The following DCDC2C variants were observed in gnomAD, a reference collection of about 807,000 sequenced individuals.
DCDC2C encodes the protein doublecortin domain containing 2C, also known as doublecortin domain-containing protein 2C.
A neutral mutation model predicts 45.0 loss-of-function variants in DCDC2C; 44 were observed. The ratio of observed to expected loss-of-function variants is 0.98; its 90% confidence interval spans 0.77 to 1.26. The LOEUF (loss-of-function observed/expected upper bound fraction) is 1.26, where lower values mean the gene tolerates loss of function less well. Among genes scored for constraint, DCDC2C ranks in the 50% most tolerant of loss-of-function variants. The pLI, the probability that DCDC2C is intolerant of heterozygous loss-of-function variation, is 0.00. For missense variants in DCDC2C, 447 were observed against 468.9 expected (o/e 0.95, Z 0.43); for synonymous variants, 187 against 178.8 (o/e 1.05, Z -0.37).
Position 3,727,983 on chromosome 2 carries a change from C to G in DCDC2C, c.416+904C>G, listed in dbSNP as rs139827859. On this transcript the variant is annotated intron_variant, in intron 3 of 10. Coordinates refer to ENST00000399143, the MANE Select transcript of DCDC2C (RefSeq NM_001287444.2). Reference sequence around the variant, plus strand: ...GTTCTAGCATTTTAGTGATTAAAAGCCCTGACATGGATATCTTTCCATTTT... The same window carrying G: ...GTTCTAGCATTTTAGTGATTAAAAGGCCTGACATGGATATCTTTCCATTTT... Among the ~76,000 whole-genome samples the G allele has an allele frequency of 1.6e-4, 25 of 152,282 alleles. No homozygotes were observed. In the East Asian group the frequency reaches 4.2e-3, roughly 26 times the overall value.
Position 3,732,530 on chromosome 2 carries a change from G to T in DCDC2C, c.416+5451G>T, listed in dbSNP as rs527779686. Among the ~76,000 whole-genome samples the T allele has an allele frequency of 7.2e-5, 11 of 152,270 alleles. No individual in the cohort carries two copies. In the South Asian group the frequency reaches 2.3e-3, roughly 32 times the overall value. ...CAGCACAAGGCCTTTCTTGTGTGGG[G>T]TTCAAGGTTAGTTTCCTGATGGTGG... is the stretch of plus-strand genomic sequence containing the variant. On this transcript the variant is annotated intron_variant, in intron 3 of 10. Transcript: ENST00000399143.
intron 4 of DCDC2C, among the ~76,000 whole-genome samples, chr2:3,747,248 G>T (rs888751383): frequency 2.0e-5 from 3 of 152,188 alleles, no homozygotes; most frequent in Non-Finnish European, 4.4e-5. Flanking sequence ...TCTGTGCAGG[G>T]CTCAGTGTCA....
Position 3,776,950 on chromosome 2 carries a change from A to G in DCDC2C, c.955-1866A>G, listed in dbSNP as rs148219266. On this transcript the variant is annotated intron_variant, in intron 8 of 10. Transcript: ENST00000399143. ...TCTTCAACCCTTCTGTATCCTGATC[A>G]TCTTGGACTCTGTAGTTTTACCTCC... 2.1e-3 allele frequency among the ~76,000 whole-genome samples: 315 copies of G among 152,252 alleles called. 3 individuals are homozygous for G. The highest frequency in any genetic ancestry group is 2.9e-3 in the Non-Finnish European group (200 of 68,014).
chr2:3,842,546 G>A (rs1239406155), intron 10 of DCDC2C, among the ~76,000 whole-genome samples: 2 of 151,434 alleles, frequency 1.3e-5, no homozygotes, highest in Non-Finnish European at 2.9e-5. Context: ...GAATGTGCCT[G>A]AGGAAGGAAT....
At chr2:3,787,070 C>T (rs145844409) in intron 10 of DCDC2C, among the ~76,000 whole-genome samples, 164 of 152,334 alleles carry the variant, frequency 1.1e-3, no homozygotes, top group Non-Finnish European at 6.5e-4. Flanking sequence ...TGTGGCATTC[C>T]ATCCTCTGGA....
intron 7 of DCDC2C, 123 bp from the exon 8 acceptor site, chr2:3,769,188 C>T: frequency 1.2e-6 from 1 of 818,766 alleles, no homozygotes; most frequent in Non-Finnish European, 2.0e-6. Context: ...GACTGCAGAC[C>T]AGGTGGCCTG....
intron 7 of DCDC2C, 98 bp downstream of exon 7, chr2:3,767,978 A>T: frequency 8.0e-7 from 1 of 1,256,454 alleles, no homozygotes; most frequent in Admixed American, 3.5e-5. Flanking sequence ...TACTCCAGAA[A>T]TATTGTTTGA....
At chr2:3,738,539 G>GGAA (rs1669095131) in intron 3 of DCDC2C, among the ~76,000 whole-genome samples, 1 of 55,248 alleles carries the variant, frequency 1.8e-5, no homozygotes, top group African/African-American at 7.1e-5. Context: ...GGTCTATCTG[G>GGAA]GAAAAAAAAA....
intron 2 of DCDC2C, among the ~76,000 whole-genome samples, chr2:3,711,872 G>A (rs1026780892): frequency 2.6e-5 from 4 of 152,212 alleles, no homozygotes; most frequent in Non-Finnish European, 4.4e-5. Context: ...GCTTCTGACA[G>A]CGTGTGAGAT....
intron 2 of DCDC2C, among the ~76,000 whole-genome samples, chr2:3,712,494 A>AAG (rs202181836): frequency 0.053 from 7,884 of 149,352 alleles, 698 homozygotes; most frequent in African/African-American, 0.19. Context: ...TCTACAAAAA[A>AAG]AAAAAAAAAA....
intron 6 of DCDC2C, among the ~76,000 whole-genome samples, chr2:3,758,155 A>T (rs568051053): frequency 6.6e-6 from 1 of 152,340 alleles, no homozygotes; most frequent in African/African-American, 2.4e-5. Context: ...CAGTGAGGTG[A>T]CAGGTGGAGC....
chr2:3,789,932 CTAT>C (rs1380587629), intron 10 of DCDC2C, among the ~76,000 whole-genome samples: 1 of 152,192 alleles, frequency 6.6e-6, no homozygotes, highest in East Asian at 1.9e-4. Context: ...CAGGAGTTAT[CTAT>C]GATTGATTAA....
chr2:3,807,231 A>T (rs1671273284), intron 10 of DCDC2C, among the ~76,000 whole-genome samples: 1 of 151,970 alleles, frequency 6.6e-6, no homozygotes, highest in South Asian at 2.1e-4. Context: ...GCGCTTTCTC[A>T]CTTCCAAATT....
rs1017155181 is a variant in DCDC2C, at chr2:3,761,648, C to T, written c.727-6106C>T. On this transcript the variant is annotated intron_variant, in intron 6 of 10. Transcript: ENST00000399143. The surrounding 1 kb of genome is among the most constrained non-coding windows in gnomAD (Gnocchi z 4.3). ...ACTTTAATAAATGTTCAAAGCAGGC[C>T]TGGTTCATTGGTAGAAGACCTTGAC... is the stretch of plus-strand genomic sequence containing the variant. Among the ~76,000 whole-genome samples, 3 of 152,236 alleles carry T rather than the reference C, an allele frequency of 2.0e-5. No homozygotes were observed. Among genetic ancestry groups the T allele is most frequent in the Non-Finnish European group, 4.4e-5 (3 of 68,044 alleles).
Position 3,750,254 on chromosome 2 carries a change from A to G in DCDC2C, c.546-2509A>G, listed in dbSNP as rs73910357. On this transcript the variant is annotated intron_variant, in intron 4 of 10. Transcript: ENST00000399143. ...CCTCAACAGCCCCTATCGCATGGCTATGATCAAGAATTGAATTTTGGGTTA... is the reference window on the plus strand; with the variant it reads ...CCTCAACAGCCCCTATCGCATGGCTGTGATCAAGAATTGAATTTTGGGTTA... 5.7e-3 allele frequency among the ~76,000 whole-genome samples: 872 copies of G among 152,286 alleles called. 7 individuals are homozygous for G. Among genetic ancestry groups the G allele is most frequent in the African/African-American group, 0.019 (790 of 41,544 alleles).
intron 10 of DCDC2C, among the ~76,000 whole-genome samples, chr2:3,834,364 C>T (rs1672022978): frequency 6.6e-6 from 1 of 152,232 alleles, no homozygotes; most frequent in South Asian, 2.1e-4. Context: ...TTGTCCCCTA[C>T]AAACCTGTTG....
intron 10 of DCDC2C, among the ~76,000 whole-genome samples, chr2:3,820,139 G>C (rs141971633): frequency 0.04 from 6,163 of 152,258 alleles, 144 homozygotes; most frequent in East Asian, 0.058. Flanking sequence ...ATGCCTGGAC[G>C]TCAGGCACCT....
At chr2:3,773,671 G>A (rs1468433701) in intron 8 of DCDC2C, among the ~76,000 whole-genome samples, 5 of 152,228 alleles carry the variant, frequency 3.3e-5, no homozygotes, top group Non-Finnish European at 5.9e-5. Flanking sequence ...ACTTTAAGAA[G>A]GTGGGCAAAT....
intron 10 of DCDC2C, among the ~76,000 whole-genome samples, chr2:3,829,058 TC>T (rs936187367): frequency 2.0e-5 from 3 of 152,196 alleles, no homozygotes; most frequent in African/African-American, 7.2e-5. Flanking sequence ...TTACTTTGCT[TC>T]GAAGTGTTCA....
Sources: gnomAD v4.1 joint callset for allele counts (sites outside exome capture counted in the v4.1 genomes callset) on GRCh38, gnomAD v4.1.1 for gene constraint, Gnocchi (gnomAD v3.1) non-coding constraint, MANE v1.5 for transcripts, NCBI Gene and HGNC (gene_info 2026-07-23, HGNC 2026-07-21) for gene names.